Variants in SUGP1 observed in about 807,000 individuals in gnomAD.
The protein encoded by SUGP1 is SURP and G-patch domain containing 1.
SUGP1 carries 34 observed loss-of-function variants against 76.5 expected under a neutral mutation model. The ratio of observed to expected loss-of-function variants is 0.44; its 90% CI spans 0.34 to 0.59. The LOEUF (loss-of-function observed/expected upper bound fraction) is 0.59, where lower values mean the gene tolerates loss of function less well. SUGP1 is among the 20% of genes least tolerant of loss of function. The probability of loss-of-function intolerance (pLI) is 0.01; values close to 1 mark genes in which losing one functional copy is unlikely to be tolerated. For synonymous variants in SUGP1, 326 were observed against 326.2 expected (o/e 1.00, Z 0.01); for missense variants, 752 against 851.7 (o/e 0.88, Z 1.46).
At chr19:19,304,653 C>T (rs1185140013) in intron 4 of SUGP1, among the ~76,000 whole-genome samples, 1 of 152,202 alleles carries the variant, frequency 6.6e-6, no homozygotes, top group East Asian at 1.9e-4. Context: ...GTTTCTGAGG[C>T]TGTGAGTTTG....
At chr19:19,284,854 T>A (rs565928438) in intron 8 of SUGP1, among the ~76,000 whole-genome samples, 1 of 150,730 alleles carries the variant, frequency 6.6e-6, no homozygotes, top group Non-Finnish European at 1.5e-5. Context: ...AGGAAAGATA[T>A]GCATGTGCTC....
intron 2 of SUGP1, among the ~76,000 whole-genome samples, chr19:19,311,575 G>C (rs1401417997): frequency 6.6e-6 from 1 of 151,636 alleles, no homozygotes; most frequent in African/African-American, 2.4e-5. Context: ...AAAATACAAA[G>C]AATTAGCCAG....
intron 3 of SUGP1, 149 bp from the exon 4 acceptor site, chr19:19,306,225 G>T: frequency 1.4e-6 from 1 of 707,688 alleles, no homozygotes; most frequent in South Asian, 2.2e-5. Flanking sequence ...TGATTTTACA[G>T]ATGGGGACAG....
intron 9 of SUGP1, among the ~76,000 whole-genome samples, chr19:19,279,764 C>T (rs2061083307): frequency 6.6e-6 from 1 of 152,234 alleles, no homozygotes; most frequent in South Asian, 2.1e-4. Flanking sequence ...CCAACTACAA[C>T]TGGGAGGCCT....
At chr19:19,283,606 C>T (rs932752520) in intron 8 of SUGP1, among the ~76,000 whole-genome samples, 1 of 152,062 alleles carries the variant, frequency 6.6e-6, no homozygotes, top group African/African-American at 2.4e-5. Flanking sequence ...AGGTGGCACG[C>T]CACCACACCC....
chr19:19,290,425 T>C (rs1356588355), intron 8 of SUGP1, among the ~76,000 whole-genome samples: 1 of 152,046 alleles, frequency 6.6e-6, no homozygotes, highest in Non-Finnish European at 1.5e-5. Context: ...AAGTGGATCA[T>C]CTGAGGCCAG....
chr19:19,315,937 T>C (rs1019009899), intron 2 of SUGP1, among the ~76,000 whole-genome samples: 1 of 151,912 alleles, frequency 6.6e-6, no homozygotes, highest in Admixed American at 6.6e-5. Context: ...ATCCCAGAGA[T>C]TCTCGTGCCT....
At chr19:19,298,506 G>C (rs2061246670) in intron 7 of SUGP1, among the ~76,000 whole-genome samples, 1 of 151,980 alleles carries the variant, frequency 6.6e-6, no homozygotes, top group South Asian at 2.1e-4. Context: ...AAAAAAATAA[G>C]ATAAATAGTG....
At chr19:19,277,706 C>T in intron 12 of SUGP1, 28 bp downstream of exon 12, 1 of 1,610,898 alleles carries the variant, frequency 6.2e-7, no homozygotes, top group Non-Finnish European at 8.5e-7. Context: ...AAGTTCATGG[C>T]CATGCCCTCC....
chr19:19,285,083 G>A (rs541388889), intron 8 of SUGP1, among the ~76,000 whole-genome samples: 41 of 152,004 alleles, frequency 2.7e-4, no homozygotes, highest in African/African-American at 9.4e-4. Context: ...TAGCCAGGAT[G>A]GTCTCGATCT....
intron 8 of SUGP1, among the ~76,000 whole-genome samples, chr19:19,283,366 G>A (rs540749397): frequency 2.1e-4 from 32 of 151,758 alleles, no homozygotes; most frequent in African/African-American, 7.0e-4. Flanking sequence ...TCCACCTCCC[G>A]GGTTCAAACA....
intron 8 of SUGP1, among the ~76,000 whole-genome samples, chr19:19,286,995 C>A (rs1188832275): frequency 2.0e-5 from 3 of 151,910 alleles, no homozygotes; most frequent in Non-Finnish European, 4.4e-5. Context: ...ACAAAATAGG[C>A]CGGGCAAAGT....
chr19:19,276,918 G>T, intron 13 of SUGP1, 29 bp downstream of exon 13: 1 of 1,611,678 alleles, frequency 6.2e-7, no homozygotes, highest in Non-Finnish European at 8.5e-7. Flanking sequence ...TGTCGACTGA[G>T]CAAAGGCAGC....
intron 7 of SUGP1, among the ~76,000 whole-genome samples, chr19:19,298,042 C>G: frequency 6.6e-6 from 1 of 152,184 alleles, no homozygotes; most frequent in East Asian, 1.9e-4. Context: ...CTCCACATGG[C>G]AGAACACGGG....
intron 8 of SUGP1, among the ~76,000 whole-genome samples, chr19:19,284,875 G>GT (rs756645152): frequency 2.9e-3 from 382 of 129,736 alleles, no homozygotes; most frequent in East Asian, 0.013. Context: ...AAACAGGTTT[G>GT]TTTTTTTTTT....
intron 8 of SUGP1, among the ~76,000 whole-genome samples, chr19:19,292,391 G>A (rs1331940006): frequency 6.6e-6 from 1 of 151,884 alleles, no homozygotes. Context: ...ACCCAAGGCA[G>A]ACAAAGATAC....
intron 8 of SUGP1, among the ~76,000 whole-genome samples, chr19:19,283,134 T>C (rs918084238): frequency 6.6e-6 from 1 of 152,022 alleles, no homozygotes; most frequent in Non-Finnish European, 1.5e-5. Context: ...TAGATGCTAG[T>C]CTGTTTTATC....
At chr19:19,293,017 C>T in intron 8 of SUGP1, among the ~76,000 whole-genome samples, 1 of 151,994 alleles carries the variant, frequency 6.6e-6, no homozygotes, top group East Asian at 2.0e-4. Flanking sequence ...AGAGATTCTC[C>T]TGCTTCAGCC....
At chr19:19,320,403 G>T in intron 1 of SUGP1, 60 bp downstream of exon 1, 3 of 1,581,754 alleles carry the variant, frequency 1.9e-6, no homozygotes, top group Non-Finnish European at 2.6e-6. Context: ...CGAGGAGTCA[G>T]GGGAGACACC....
Sources: gnomAD v4.1 joint callset for allele counts (sites outside exome capture counted in the v4.1 genomes callset) on GRCh38, gnomAD v4.1.1 for gene constraint, MANE v1.5 for transcripts, NCBI Gene and HGNC (gene_info 2026-07-23, HGNC 2026-07-21) for gene names.